The following TMEM255B variants were observed in gnomAD, a reference collection of about 807,000 sequenced individuals.
The protein encoded by TMEM255B is transmembrane protein 255B, also known as family with sequence similarity 70, member B.
Under a neutral mutation model 34.5 loss-of-function variants are expected in TMEM255B, and 35 were observed. That is an observed-to-expected ratio of 1.01 (90% CI 0.77 to 1.34). The LOEUF is 1.34. Ranked by LOEUF, TMEM255B falls within the 40% of genes most tolerant of loss-of-function variation. The probability of loss-of-function intolerance (pLI) is 0.00; values close to 1 mark genes in which losing one functional copy is unlikely to be tolerated. For synonymous variants in TMEM255B, 206 were observed against 201.2 expected, an observed-to-expected ratio of 1.02 and a Z score of -0.20; for missense variants, 432 against 433.2, an observed-to-expected ratio of 1.00 and a Z score of 0.02.
chr13:113,769,028 T>C lies in TMEM255B; in HGVS notation c.190-70T>C. 6.4e-7 allele frequency: 1 copy of C among 1,569,220 alleles called. No homozygotes were observed. The highest frequency in any genetic ancestry group is 1.1e-5 in the South Asian group (1 of 89,754). Reference sequence around the variant, plus strand: ...TGCCTTTGAGGGCGGGATTATTTGCTTTAAATGTCAGTGTTAAGCTTCTAG... The same window carrying C: ...TGCCTTTGAGGGCGGGATTATTTGCCTTAAATGTCAGTGTTAAGCTTCTAG... On this transcript the variant is annotated intron_variant, in intron 2 of 8. Coordinates refer to ENST00000375353, the MANE Select transcript of TMEM255B (RefSeq NM_182614.4). This position sits in a 1 kb window ranked among gnomAD's most constrained non-coding sequence, Gnocchi z 4.2.
intron 3 of TMEM255B, among the ~76,000 whole-genome samples, chr13:113,777,138 A>T (rs772739683): frequency 5.3e-5 from 8 of 152,034 alleles, no homozygotes; most frequent in Non-Finnish European, 1.0e-4. Context: ...TTCTCATGGA[A>T]AGCCACAGCC....
intron 3 of TMEM255B, among the ~76,000 whole-genome samples, chr13:113,778,847 C>A (rs983945682): frequency 6.6e-6 from 1 of 152,166 alleles, no homozygotes; most frequent in Non-Finnish European, 1.5e-5. Flanking sequence ...GAAACTGACC[C>A]GTAGAGAAAC....
chr13:113,790,883 C>G (rs372439486), intron 3 of TMEM255B, among the ~76,000 whole-genome samples: 1 of 152,254 alleles, frequency 6.6e-6, no homozygotes, highest in Non-Finnish European at 1.5e-5. Context: ...ACTTGCTGCG[C>G]GTGGCCACAC....
At position 113,806,757 on chromosome 13, in the gene TMEM255B, G is replaced by A. The variant is rs2051179600; in HGVS notation, c.813+1729G>A. 6.6e-6 allele frequency among the ~76,000 whole-genome samples: 1 copy of A among 151,986 alleles called. No individual in the cohort carries two copies. Among genetic ancestry groups the A allele is most frequent in the Admixed American group, 6.5e-5 (1 of 15,280 alleles). ...CCAGGGCCACAGCCCTGTCCTGGGGGCTTCTCTCTGGCCTCCTGGTCTCCC... is the reference window on the plus strand; with the variant it reads ...CCAGGGCCACAGCCCTGTCCTGGGGACTTCTCTCTGGCCTCCTGGTCTCCC... On this transcript the variant is annotated intron_variant, in intron 8 of 8. Coordinates refer to ENST00000375353, the MANE Select transcript of TMEM255B (RefSeq NM_182614.4). The surrounding 1 kb of genome is among the most constrained non-coding windows in gnomAD (Gnocchi z 4.2).
rs1566719535 is a variant in TMEM255B, at chr13:113,766,249, G to A, written c.181G>A (p.Gly61Arg). 6.2e-7 allele frequency: 1 copy of A among 1,614,062 alleles called. No individual in the cohort carries two copies. The highest frequency in any genetic ancestry group is 1.3e-5 in the African/African-American group (1 of 74,960). ...TGTGACCGTTGGGGGCTACTACCCA[G>A]GGATCATTGTGAGTGCGCCGGGCGG... ...ENVTVGGYYP[G>R]IILGFGSFLG... The change falls in exon 2 of 9, where the codon GGG (glycine) becomes AGG (arginine). Residue 61 changes from glycine to arginine, a missense_variant. Physicochemically the swap from Gly to Arg is moderately radical, Grantham distance 125. Coordinates refer to ENST00000375353, the MANE Select transcript of TMEM255B (RefSeq NM_182614.4).
At chr13:113,805,830 A>G (rs1318417277) in intron 8 of TMEM255B, among the ~76,000 whole-genome samples, 1 of 152,024 alleles carries the variant, frequency 6.6e-6, no homozygotes, top group Non-Finnish European at 1.5e-5. Context: ...TGGTCCTGAT[A>G]AACGTGGGCT....
At chr13:113,786,091 A>G (rs2050735914) in intron 3 of TMEM255B, among the ~76,000 whole-genome samples, 1 of 152,178 alleles carries the variant, frequency 6.6e-6, no homozygotes, top group East Asian at 1.9e-4. Flanking sequence ...GAATTCAAGC[A>G]TCAAACCGTG....
chr13:113,800,079 TTTA>T, intron 5 of TMEM255B: 2 of 1,183,158 alleles, frequency 1.7e-6, no homozygotes, highest in Non-Finnish European at 2.1e-6. Context: ...TGTGTGTGTG[TTTA>T]TGTGTGTGTG....
intron 3 of TMEM255B, among the ~76,000 whole-genome samples, chr13:113,774,658 A>C (rs2050534947): frequency 6.7e-6 from 1 of 150,216 alleles, no homozygotes; most frequent in Non-Finnish European, 1.5e-5. Flanking sequence ...TATACACAAC[A>C]CACACCACAC....
At position 113,805,217 on chromosome 13, in the gene TMEM255B, G is replaced by A. The variant is rs144032866; in HGVS notation, c.813+189G>A. Among the ~76,000 whole-genome samples the A allele has an allele frequency of 8.9e-3, 1,350 of 152,284 alleles. 28 individuals carry two copies. The highest frequency in any genetic ancestry group is 0.03 in the African/African-American group (1,242 of 41,578). On this transcript the variant is annotated intron_variant, in intron 8 of 8. Transcript: ENST00000375353. ...CTCCCTGCAAGTATGGCCGGGGACC[G>A]CGCCAGGTGGCCCTGGTGACCCGCC...
chr13:113,792,041 C>T (rs1237940121), intron 3 of TMEM255B, among the ~76,000 whole-genome samples: 4 of 152,234 alleles, frequency 2.6e-5, no homozygotes, highest in African/African-American at 7.2e-5. Flanking sequence ...GACGCGGCCC[C>T]GCTGGAGGCC....
At chr13:113,760,029 G>A (rs933636886) in intron 1 of TMEM255B, among the ~76,000 whole-genome samples, 6 of 152,140 alleles carry the variant, frequency 3.9e-5, no homozygotes, top group African/African-American at 1.2e-4. Flanking sequence ...TTCCTGAGGG[G>A]GAGAGGGCTG....
intron 3 of TMEM255B, among the ~76,000 whole-genome samples, chr13:113,786,137 A>G (rs1275116268): frequency 6.6e-6 from 1 of 152,178 alleles, no homozygotes; most frequent in Non-Finnish European, 1.5e-5. Context: ...CCAGAGAACC[A>G]TGGGCCACCA....
chr13:113,795,000 G>A, intron 3 of TMEM255B, 148 bp from the exon 4 acceptor site: 1 of 710,844 alleles, frequency 1.4e-6, no homozygotes, highest in Admixed American at 2.2e-5. Flanking sequence ...GCCTGGCCAG[G>A]GCTGGAAGTC....
intron 6 of TMEM255B, among the ~76,000 whole-genome samples, 176 bp from the exon 7 acceptor site, chr13:113,801,477 C>T (rs2051059096): frequency 6.6e-6 from 1 of 152,364 alleles, no homozygotes; most frequent in African/African-American, 2.4e-5. Context: ...CCTCACAGGC[C>T]AATCCCATCA....
intron 1 of TMEM255B, among the ~76,000 whole-genome samples, chr13:113,762,765 C>G (rs1254927857): frequency 1.3e-5 from 2 of 152,178 alleles, no homozygotes; most frequent in South Asian, 4.2e-4. Context: ...TCCTGACAGA[C>G]GGACGCCCAC....
At chr13:113,795,303 A>C in intron 4 of TMEM255B, 66 bp downstream of exon 4, 2 of 1,526,818 alleles carry the variant, frequency 1.3e-6, no homozygotes, top group Admixed American at 1.8e-5. Context: ...TGAAAAAAGT[A>C]CAATTTCATT....
intron 8 of TMEM255B, among the ~76,000 whole-genome samples, chr13:113,810,317 G>A (rs548509744): frequency 6.6e-6 from 1 of 152,274 alleles, no homozygotes; most frequent in Non-Finnish European, 1.5e-5. Flanking sequence ...TTTAAAATTT[G>A]ATTAGAAGTT....
At chr13:113,793,549 C>A (rs373734805) in intron 3 of TMEM255B, among the ~76,000 whole-genome samples, 2 of 152,254 alleles carry the variant, frequency 1.3e-5, no homozygotes, top group East Asian at 3.8e-4. Context: ...TGGGACCCAC[C>A]CAAGGACGCA....
Sources: gnomAD v4.1 joint callset for allele counts (sites outside exome capture counted in the v4.1 genomes callset) on GRCh38, gnomAD v4.1.1 for gene constraint, Gnocchi (gnomAD v3.1) non-coding constraint, MANE v1.5 for transcripts, NCBI Gene and HGNC (gene_info 2026-07-23, HGNC 2026-07-21) for gene names.